Variants in ZBED6 observed in about 807,000 individuals in gnomAD.
ZBED6 encodes zinc finger BED-type containing 6, also known as zinc finger BED domain-containing protein 6.
In ZBED6, 40 loss-of-function variants were observed where a neutral mutation model predicts 58.4. The observed-to-expected ratio is 0.68, with a 90% CI of 0.53 to 0.89. The LOEUF is 0.89. ZBED6 is among the 40% of genes least tolerant of loss of function. The pLI is 0.00. For synonymous variants in ZBED6, 439 were observed against 350.6 expected (o/e 1.25, Z -2.82); for missense variants, 1,057 against 1,003.9 (o/e 1.05, Z -0.71).
intron 3 of ZBED6, among the ~76,000 whole-genome samples, chr1:203,826,421 G>A (rs1680560619): frequency 6.6e-6 from 1 of 151,388 alleles, no homozygotes. Context: ...AATATTAATA[G>A]GTAATTATGC....
chr1:203,824,002 C>T (rs1197859216), intron 3 of ZBED6, among the ~76,000 whole-genome samples: 1 of 152,142 alleles, frequency 6.6e-6, no homozygotes, highest in Non-Finnish European at 1.5e-5. Flanking sequence ...GGCGCCGTGG[C>T]TCATGCCTGT....
rs377393853 is a variant in ZBED6, at chr1:203,848,385, G to T, written c.*4300G>T. The stretch of plus-strand genomic sequence containing the variant: ...GGAAATGAAGTTGATTCTCAGAGCA[G>T]TATTAGAACAGAAGCTAAAGAGGTA... On this transcript the variant is annotated 3_prime_UTR_variant, in exon 13 of 17. Coordinates refer to ENST00000550078, the Ensembl canonical transcript of ZBED6. The T allele has an allele frequency of 1.3e-5, 21 of 1,611,846 alleles. No homozygotes were observed. The African/African-American group carries it at 2.4e-4, about 18-fold the overall frequency.
intron 1 of ZBED6, among the ~76,000 whole-genome samples, chr1:203,816,673 G>C (rs1461643371): frequency 1.3e-5 from 2 of 151,908 alleles, no homozygotes; most frequent in Non-Finnish European, 2.9e-5. Context: ...AGTTAACAAT[G>C]CTTATTTACA....
chr1:203,805,489 A>G (rs1005342539), intron 1 of ZBED6: 1 of 426,390 alleles, frequency 2.3e-6, no homozygotes, highest in African/African-American at 2.0e-5. Context: ...AAAGGAAAAA[A>G]ATAGAAGAGC....
In ZBED6 at chr1:203,849,903, C is replaced by T. The variant is rs779605538; in HGVS notation, c.*4515C>T. ...GCTCACTGCTGTGCCAGGAATCACACGGCACCTGACCAAGCGGCTTCCCAC... is the reference window on the plus strand; with the variant it reads ...GCTCACTGCTGTGCCAGGAATCACATGGCACCTGACCAAGCGGCTTCCCAC... On this transcript the variant is annotated 3_prime_UTR_variant, in exon 14 of 17. Coordinates refer to ENST00000550078, the Ensembl canonical transcript of ZBED6. 16 of 1,613,948 alleles carry T rather than the reference C, an allele frequency of 9.9e-6. No homozygotes were observed. In the East Asian group the frequency reaches 1.1e-4, roughly 11 times the overall value.
intron 1 of ZBED6, among the ~76,000 whole-genome samples, chr1:203,813,556 A>G (rs1021276316): frequency 5.9e-5 from 9 of 152,160 alleles, no homozygotes; most frequent in Non-Finnish European, 1.2e-4. Flanking sequence ...GTCAAAGGTC[A>G]TTTGACTATG....
chr1:203,810,879 C>G (rs913133945), intron 1 of ZBED6, among the ~76,000 whole-genome samples: 5 of 151,774 alleles, frequency 3.3e-5, no homozygotes, highest in Non-Finnish European at 5.9e-5. Context: ...GCCTGTAATC[C>G]CAGCACTTTG....
Position 203,820,646 on chromosome 1 carries a change from T to A in ZBED6, c.*2873+1957T>A, listed in dbSNP as rs149634414. Among the ~76,000 whole-genome samples, 65 of 151,942 alleles carry A rather than the reference T, an allele frequency of 4.3e-4. No homozygotes were observed. In the East Asian group the frequency reaches 0.012, roughly 29 times the overall value. On this transcript the variant is annotated intron_variant, in intron 3 of 16. Transcript: ENST00000550078. ...GCATGCCTCACCACACCCGTCTAAT[T>A]TTTTGTGTTTTTTAGTAGACACGAG...
chr1:203,839,000 G>GGA (rs1370877788), intron 10 of ZBED6, among the ~76,000 whole-genome samples: 2 of 150,894 alleles, frequency 1.3e-5, no homozygotes, highest in Non-Finnish European at 3.0e-5. Context: ...TTATAAACAA[G>GGA]GATCACAGGC....
At chr1:203,797,713 G>T in exon 1 of ZBED6, 1 of 1,535,042 alleles carries the variant, frequency 6.5e-7, no homozygotes, top group Non-Finnish European at 8.7e-7. Context: ...AAAAAGAAAA[G>T]AAAGAAGGGT....
At chr1:203,805,116 A>G (rs993841805) in intron 1 of ZBED6, among the ~76,000 whole-genome samples, 2 of 151,638 alleles carry the variant, frequency 1.3e-5, no homozygotes, top group Non-Finnish European at 2.9e-5. Flanking sequence ...CCACAGAATC[A>G]AAATACCCAC....
chr1:203,823,655 C>G (rs918189299), intron 3 of ZBED6, among the ~76,000 whole-genome samples: 2 of 152,208 alleles, frequency 1.3e-5, no homozygotes, highest in African/African-American at 4.8e-5. Flanking sequence ...CTAAGAGCTG[C>G]TATGCTAACT....
chr1:203,833,009 G>A (rs1682900569), intron 8 of ZBED6, among the ~76,000 whole-genome samples: 1 of 151,692 alleles, frequency 6.6e-6, no homozygotes, highest in Non-Finnish European at 1.5e-5. Context: ...TGAGGCGGGC[G>A]GATCGCTTGA....
At chr1:203,798,893 A>T (rs778085526) in exon 1 of ZBED6, 2 of 1,536,024 alleles carry the variant, frequency 1.3e-6, no homozygotes, top group Non-Finnish European at 1.7e-6. Context: ...CTAAGGCTGT[A>T]CCTCAGTTAT....
chr1:203,822,214 CTTTTA>C (rs1443144184), intron 3 of ZBED6, among the ~76,000 whole-genome samples: 7 of 152,136 alleles, frequency 4.6e-5, no homozygotes, highest in Admixed American at 6.6e-5. Context: ...GTTCATAATA[CTTTTA>C]TTTATTTGAT....
chr1:203,844,062 G>T (rs922286886), intron 11 of ZBED6, among the ~76,000 whole-genome samples: 4 of 152,078 alleles, frequency 2.6e-5, no homozygotes, highest in South Asian at 2.1e-4. Context: ...TCTCCATGTT[G>T]GTCAGGCTGG....
At position 203,831,737 on chromosome 1, in the gene ZBED6, T is replaced by A. The variant is rs757104376; in HGVS notation, c.*3476T>A. The A allele has an allele frequency of 2.5e-6, 4 of 1,612,756 alleles. No individual in the cohort carries two copies. The African/African-American group carries it at 5.3e-5, about 22-fold the overall frequency. On this transcript the variant is annotated 3_prime_UTR_variant, in exon 8 of 17. Transcript: ENST00000550078. ...GTCCTGAAAAAGAAAATGTCAGGAC[T>A]GTGGTGAGGACAGTAACTCTCTCCA... is the stretch of plus-strand genomic sequence containing the variant.
intron 7 of ZBED6, 71 bp downstream of exon 7, chr1:203,830,274 CAACAGCCAAAATGAGCA>C: frequency 8.5e-7 from 1 of 1,181,994 alleles, no homozygotes. Flanking sequence ...CTTCTAGAAG[CAACAGCCAAAATGAGCA>C]AATAGATTTT....
chr1:203,805,715 A>G lies in ZBED6; in HGVS notation c.*2554+2699A>G, dbSNP rs542842949. The stretch of plus-strand genomic sequence containing the variant: ...ACACCTTCTGGAATTGCAGGTGCAG[A>G]TGCTGGCTCATCTAAATAGAACTCT... On this transcript the variant is annotated intron_variant, in intron 1 of 16. Transcript: ENST00000550078. 1,241 of 661,696 alleles carry G rather than the reference A, an allele frequency of 1.9e-3. 3 individuals carry two copies. The highest frequency in any genetic ancestry group is 2.7e-3 in the Non-Finnish European group (932 of 343,922). 41.0% of individuals were successfully genotyped at this position (661,696 alleles called of 1,614,324 possible).
Sources: gnomAD v4.1 joint callset for allele counts (sites outside exome capture counted in the v4.1 genomes callset) on GRCh38, gnomAD v4.1.1 for gene constraint, MANE v1.5 for transcripts, NCBI Gene and HGNC (gene_info 2026-07-23, HGNC 2026-07-21) for gene names.